The following DAB1 variants were observed in gnomAD, a reference collection of about 807,000 sequenced individuals.
DAB1 encodes disabled homolog 1.
DAB1 carries 15 observed loss-of-function variants against 64.6 expected under a neutral mutation model. That is an observed-to-expected ratio of 0.23 (90% CI 0.16 to 0.36). The LOEUF (loss-of-function observed/expected upper bound fraction) is 0.36. Ranked by LOEUF, DAB1 falls within the 10% of genes least tolerant of loss-of-function variation. The pLI is 1.00. For missense variants in DAB1, 596 were observed against 706.7 expected (o/e 0.84, Z 1.78); for synonymous variants, 235 against 251.9 (o/e 0.93, Z 0.64).
At position 58,193,090 on chromosome 1, in the gene DAB1, T is replaced by A. The variant is rs191111478; in HGVS notation, n.310-42502A>T. On this transcript the variant is annotated intron_variant and non_coding_transcript_variant, in intron 4 of 20. Coordinates refer to the DAB1 transcript ENST00000485760. ...AAATCTCATGTTGAAATTTAGTCAC[T>A]AATATTGGAGGCGGGGCTTAATGGG... Among the ~76,000 whole-genome samples, 3 of 152,272 alleles carry A rather than the reference T, an allele frequency of 2.0e-5. No individual in the cohort carries two copies. The East Asian group carries it at 5.8e-4, about 29-fold the overall frequency.
At chr1:57,125,818 C>T (rs754514085) in intron 4 of DAB1, among the ~76,000 whole-genome samples, 2 of 152,138 alleles carry the variant, frequency 1.3e-5, no homozygotes, top group Non-Finnish European at 2.9e-5. Context: ...GGTGGAGATG[C>T]CATTTTCTGT....
intron 7 of DAB1, among the ~76,000 whole-genome samples, chr1:57,483,540 G>T (rs904905905): frequency 1.3e-5 from 2 of 151,962 alleles, no homozygotes; most frequent in Non-Finnish European, 2.9e-5. Context: ...CCCAGTCTCG[G>T]GTATGTCTTT....
At chr1:58,117,866 A>T (rs1040061025) in intron 5 of DAB1, among the ~76,000 whole-genome samples, 1 of 150,410 alleles carries the variant, frequency 6.6e-6, no homozygotes, top group East Asian at 2.0e-4. Context: ...ATTTTTTTTA[A>T]TATTTTTTTT....
At chr1:58,158,152 G>A (rs1042786706) in intron 4 of DAB1, among the ~76,000 whole-genome samples, 1 of 152,096 alleles carries the variant, frequency 6.6e-6, no homozygotes, top group African/African-American at 2.4e-5. Flanking sequence ...GAGAAAGGAA[G>A]ACCAAAGCCT....
chr1:57,949,164 G>T (rs139890663), intron 5 of DAB1, among the ~76,000 whole-genome samples: 2 of 151,458 alleles, frequency 1.3e-5, no homozygotes, highest in African/African-American at 2.4e-5. Flanking sequence ...ATATTTCCAT[G>T]GGGGGGGCTG....
intron 1 of DAB1, among the ~76,000 whole-genome samples, chr1:58,540,781 G>C (rs1358544420): frequency 6.6e-6 from 1 of 151,002 alleles, no homozygotes; most frequent in East Asian, 1.9e-4. Flanking sequence ...TCATCTAACT[G>C]AAGTCCCCAA....
At position 57,275,754 on chromosome 1, in the gene DAB1, G is replaced by A. The variant is rs143860709; in HGVS notation, c.67+15210C>T. Among the ~76,000 whole-genome samples, 486 of 152,250 alleles carry A rather than the reference G, an allele frequency of 3.2e-3. 2 individuals carry two copies. Among genetic ancestry groups the A allele is most frequent in the African/African-American group, 0.011 (473 of 41,542 alleles). On this transcript the variant is annotated intron_variant, in intron 2 of 14. Coordinates refer to ENST00000371236, the MANE Select transcript of DAB1 (RefSeq NM_001365792.1). ...GGTGGTCCCCAGTGGTGACATGCCC[G>A]CAAAGGGGAGCCCACTCCAAAGTCT...
At chr1:57,097,479 T>G (rs953833535) in intron 4 of DAB1, among the ~76,000 whole-genome samples, 12 of 152,186 alleles carry the variant, frequency 7.9e-5, no homozygotes, top group African/African-American at 2.7e-4. Context: ...AAGTGATGTA[T>G]GTCACTTAGG....
At chr1:57,820,383 T>C (rs1022610625) in intron 6 of DAB1, among the ~76,000 whole-genome samples, 1 of 152,070 alleles carries the variant, frequency 6.6e-6, no homozygotes, top group Admixed American at 6.5e-5. Flanking sequence ...CGTAGTTGGG[T>C]CCAAGAAGAT....
intron 4 of DAB1, among the ~76,000 whole-genome samples, chr1:58,222,333 A>G (rs1659217950): frequency 6.6e-6 from 1 of 152,086 alleles, no homozygotes; most frequent in South Asian, 2.1e-4. Context: ...CCATCCTCTC[A>G]TGGTTAAGAA....
intron 4 of DAB1, among the ~76,000 whole-genome samples, chr1:58,302,330 G>A (rs1662191176): frequency 6.6e-6 from 1 of 152,084 alleles, no homozygotes; most frequent in African/African-American, 2.4e-5. Flanking sequence ...ACTGGATGGT[G>A]TTTATGAGCC....
chr1:57,575,057 G>A (rs1238257878), intron 7 of DAB1, among the ~76,000 whole-genome samples: 1 of 152,190 alleles, frequency 6.6e-6, no homozygotes, highest in Non-Finnish European at 1.5e-5. Flanking sequence ...TGGCCTCATT[G>A]CTGGGTCTCC....
intron 6 of DAB1, among the ~76,000 whole-genome samples, chr1:57,666,411 C>T (rs185950467): frequency 1.0e-3 from 157 of 152,256 alleles, no homozygotes; most frequent in Admixed American, 2.0e-3. Context: ...AGAGTTGGAA[C>T]TGGCCATGGA....
intron 5 of DAB1, among the ~76,000 whole-genome samples, chr1:57,947,865 G>T (rs1396004448): frequency 6.6e-6 from 1 of 152,198 alleles, no homozygotes; most frequent in Non-Finnish European, 1.5e-5. Flanking sequence ...AACAGGGGCA[G>T]AGATCACAAT....
At chr1:58,243,385 T>C (rs1660385609) in intron 4 of DAB1, among the ~76,000 whole-genome samples, 1 of 152,180 alleles carries the variant, frequency 6.6e-6, no homozygotes, top group Admixed American at 6.5e-5. Context: ...ATGAATTCTT[T>C]ATTTGGTATT....
intron 1 of DAB1, among the ~76,000 whole-genome samples, chr1:57,344,539 T>A (rs966510919): frequency 6.6e-6 from 1 of 151,976 alleles, no homozygotes; most frequent in African/African-American, 2.4e-5. Context: ...CGGTGCTAGC[T>A]TAGACTCCCA....
At chr1:58,393,120 CTTTTTTTTT>C (rs34546253) in intron 3 of DAB1, among the ~76,000 whole-genome samples, 2 of 117,190 alleles carry the variant, frequency 1.7e-5, no homozygotes, top group Admixed American at 1.8e-4. Context: ...ACTTCCAAAT[CTTTTTTTTT>C]TTTTTTTTTT....
chr1:57,668,577 G>C (rs1331917150), intron 6 of DAB1, among the ~76,000 whole-genome samples: 1 of 152,074 alleles, frequency 6.6e-6, no homozygotes, highest in Non-Finnish European at 1.5e-5. Flanking sequence ...GAAATATGGT[G>C]GCCAAAGCAT....
At chr1:57,802,013 C>A (rs978835655) in intron 6 of DAB1, among the ~76,000 whole-genome samples, 2 of 152,176 alleles carry the variant, frequency 1.3e-5, no homozygotes, top group Admixed American at 1.3e-4. Context: ...GGGGTGCACA[C>A]CCTTTTGGCT....
Sources: allele counts gnomAD v4.1 joint callset (sites outside exome capture counted in the v4.1 genomes callset), GRCh38; gene constraint gnomAD v4.1.1; transcripts MANE v1.5; gene names NCBI Gene and HGNC (gene_info 2026-07-23, HGNC 2026-07-21).